Variants in CFAP61 observed in about 807,000 individuals in gnomAD.
CFAP61 encodes the protein cilia- and flagella-associated protein 61.
A neutral mutation model predicts 135.6 loss-of-function variants in CFAP61; 107 were observed. The observed-to-expected ratio is 0.79, with a 90% CI of 0.67 to 0.93. The LOEUF (loss-of-function observed/expected upper bound fraction) is 0.93. CFAP61 is among the 40% of genes least tolerant of loss of function. The pLI is 0.00. For synonymous variants in CFAP61, 575 were observed against 578.5 expected, an observed-to-expected ratio of 0.99 and a Z score of 0.09; for missense variants, 1,507 against 1,556.2, an observed-to-expected ratio of 0.97 and a Z score of 0.53.
intron 8 of CFAP61, among the ~76,000 whole-genome samples, chr20:20,121,207 G>A (rs1005175810): frequency 1.4e-4 from 20 of 145,218 alleles, no homozygotes; most frequent in African/African-American, 4.6e-4. Flanking sequence ...TCAGGCTCAA[G>A]CAATCCTCCC....
At chr20:20,101,902 A>G (rs1233497932) in intron 8 of CFAP61, among the ~76,000 whole-genome samples, 2 of 152,210 alleles carry the variant, frequency 1.3e-5, no homozygotes, top group East Asian at 3.8e-4. Context: ...TGCTGGGATT[A>G]CAGGAGTAAG....
chr20:20,090,688 CAAAAAAAAAAAAA>C (rs138798717), intron 6 of CFAP61, among the ~76,000 whole-genome samples, 143 bp from the exon 7 acceptor site: 1 of 102,976 alleles, frequency 9.7e-6, no homozygotes, highest in African/African-American at 3.8e-5. Context: ...GACTCCCTCT[CAAAAAAAAAAAAA>C]AAAAAAAAAA....
intron 13 of CFAP61, chr20:20,172,212 T>G (rs2054274426): frequency 2.3e-5 from 22 of 965,142 alleles, no homozygotes; most frequent in Non-Finnish European, 2.7e-5. Flanking sequence ...AGGATTTCAG[T>G]AACCTTATAT....
chr20:20,298,196 AC>A lies in CFAP61; in HGVS notation c.3234del (p.Gly1079AlafsTer57). The A allele has an allele frequency of 3.1e-6, 5 of 1,613,612 alleles. No individual in the cohort carries two copies. Among genetic ancestry groups the A allele is most frequent in the Non-Finnish European group, 2.5e-6 (3 of 1,179,504 alleles). ...AQPNYGLELV[T>X]GSAKNGTYFR... ...CCTCCTCCAGGGTTTAGAACTAGTA[AC>A]CGGCAGTGCGAAAAATGGGACTTAC... is the stretch of plus-strand genomic sequence containing the variant. On this transcript the variant is annotated frameshift_variant, in exon 25 of 27. Coordinates refer to ENST00000245957, the MANE Select transcript of CFAP61 (RefSeq NM_015585.4). LOFTEE classifies it high-confidence loss of function.
At chr20:20,096,583 A>G (rs1170394600) in intron 7 of CFAP61, among the ~76,000 whole-genome samples, 1 of 152,258 alleles carries the variant, frequency 6.6e-6, no homozygotes, top group African/African-American at 2.4e-5. Flanking sequence ...AGGCCATCGA[A>G]GTTTTGTTGC....
At position 20,359,651 on chromosome 20, in the gene CFAP61, C is replaced by T. The variant is rs1264736437; in HGVS notation, c.3514-559C>T. On this transcript the variant is annotated intron_variant, in intron 26 of 26. Transcript: ENST00000245957. This position sits in a 1 kb window ranked among gnomAD's most constrained non-coding sequence, Gnocchi z 4.0. ...TGCACTCCAGCCTGGGCAACAACAG[C>T]GAAATTCCGTCTCAAAAAGCAAAAA... is the stretch of plus-strand genomic sequence containing the variant. Among the ~76,000 whole-genome samples, 2 of 148,418 alleles carry T rather than the reference C, an allele frequency of 1.3e-5. No individual in the cohort carries two copies. The highest frequency in any genetic ancestry group is 6.9e-5 in the Admixed American group (1 of 14,532).
At chr20:20,192,493 G>C (rs2055994184) in intron 15 of CFAP61, among the ~76,000 whole-genome samples, 1 of 152,000 alleles carries the variant, frequency 6.6e-6, no homozygotes, top group Non-Finnish European at 1.5e-5. Flanking sequence ...GATTGCCACT[G>C]AGTTCCCTGA....
intron 21 of CFAP61, among the ~76,000 whole-genome samples, chr20:20,271,306 A>C (rs2053324159): frequency 6.6e-6 from 1 of 152,158 alleles, no homozygotes; most frequent in Non-Finnish European, 1.5e-5. Context: ...ACAAAACAAA[A>C]ACAAAAACAA....
intron 19 of CFAP61, among the ~76,000 whole-genome samples, chr20:20,249,387 A>T (rs2050716314): frequency 1.3e-5 from 2 of 152,008 alleles, no homozygotes; most frequent in South Asian, 2.1e-4. Flanking sequence ...AAAAAAAATT[A>T]AATTAGCCAG....
chr20:20,086,148 C>CTTTTT (rs879817698), intron 6 of CFAP61, among the ~76,000 whole-genome samples: 1 of 142,600 alleles, frequency 7.0e-6, no homozygotes, highest in African/African-American at 2.6e-5. Context: ...TTGCCAGTTT[C>CTTTTT]TTTTTTTTTT....
intron 17 of CFAP61, among the ~76,000 whole-genome samples, chr20:20,221,428 C>A (rs2048393120): frequency 6.6e-6 from 1 of 152,118 alleles, no homozygotes; most frequent in Non-Finnish European, 1.5e-5. Flanking sequence ...CCACCTAATT[C>A]ATCAAATCTA....
At chr20:20,278,131 A>G (rs1480461166) in intron 22 of CFAP61, among the ~76,000 whole-genome samples, 6 of 152,232 alleles carry the variant, frequency 3.9e-5, no homozygotes, top group African/African-American at 1.4e-4. Context: ...AGAGCTTGCC[A>G]TGCCCCAGGA....
At chr20:20,141,142 A>G (rs2051368682) in intron 8 of CFAP61, among the ~76,000 whole-genome samples, 1 of 152,084 alleles carries the variant, frequency 6.6e-6, no homozygotes, top group South Asian at 2.1e-4. Context: ...GCTGGTCTTG[A>G]ACTCCTGACC....
intron 26 of CFAP61, among the ~76,000 whole-genome samples, chr20:20,349,103 A>G (rs1185202476): frequency 6.6e-6 from 1 of 152,262 alleles, no homozygotes; most frequent in Non-Finnish European, 1.5e-5. Context: ...CAAAATAACT[A>G]TTAGAGCTAA....
chr20:20,093,564 A>G (rs1225528927), intron 7 of CFAP61, among the ~76,000 whole-genome samples: 1 of 150,436 alleles, frequency 6.6e-6, no homozygotes, highest in Non-Finnish European at 1.5e-5. Flanking sequence ...CCTCCCAAGT[A>G]GCTGGGATTA....
chr20:20,141,157 G>A lies in CFAP61; in HGVS notation c.860-1700G>A, dbSNP rs540718926. On this transcript the variant is annotated intron_variant, in intron 8 of 26. Transcript: ENST00000245957. The stretch of plus-strand genomic sequence containing the variant: ...GCTGGTCTTGAACTCCTGACCTCAG[G>A]TGATCCAACTCCCTTGGCCTCCCAA... 8.6e-4 allele frequency among the ~76,000 whole-genome samples: 131 copies of A among 152,184 alleles called. 3 individuals are homozygous for A. The highest frequency in any genetic ancestry group is 3.0e-3 in the African/African-American group (125 of 41,502).
At chr20:20,276,810 A>G (rs2053799405) in intron 21 of CFAP61, among the ~76,000 whole-genome samples, 1 of 152,252 alleles carries the variant, frequency 6.6e-6, no homozygotes, top group Admixed American at 6.5e-5. Context: ...AGGAAGAACT[A>G]GTATACATTG....
Position 20,179,094 on chromosome 20 carries a change from G to T in CFAP61, c.1386-8836G>T, listed in dbSNP as rs554386475. ...GAAGAGAGGAAGTCAAACTATTCCT[G>T]TTTGCAGATGACATGATCCCATGTC... On this transcript the variant is annotated intron_variant, in intron 13 of 26. Transcript: ENST00000245957. Among the ~76,000 whole-genome samples, 8 of 152,222 alleles carry T rather than the reference G, an allele frequency of 5.3e-5. No homozygotes were observed. The East Asian group carries it at 1.5e-3, about 29-fold the overall frequency.
chr20:20,173,292 C>T (rs2054366219), intron 13 of CFAP61, among the ~76,000 whole-genome samples: 1 of 152,148 alleles, frequency 6.6e-6, no homozygotes. Context: ...TAGATAACTA[C>T]CAAAGAGTGC....
Sources: gnomAD v4.1 joint callset for allele counts (sites outside exome capture counted in the v4.1 genomes callset) on GRCh38, gnomAD v4.1.1 for gene constraint, Gnocchi (gnomAD v3.1) non-coding constraint, MANE v1.5 for transcripts, NCBI Gene and HGNC (gene_info 2026-07-23, HGNC 2026-07-21) for gene names.